KANSL3: variants seen among roughly 807,000 people sequenced by gnomAD.
KANSL3 encodes KAT8 regulatory NSL complex subunit 3.
KANSL3 carries 16 observed loss-of-function variants against 89.2 expected under a neutral mutation model. That is an observed-to-expected ratio of 0.18 (90% CI 0.12 to 0.27). KANSL3 has a LOEUF of 0.27. KANSL3 is among the 10% of genes least tolerant of loss of function. The pLI, the probability that KANSL3 is intolerant of heterozygous loss-of-function variation, is 1.00. For missense variants in KANSL3, 879 were observed against 1,110.6 expected (o/e 0.79, Z 2.96); for synonymous variants, 385 against 419.7 (o/e 0.92, Z 1.01).
At chr2:96,614,146 C>T (rs1209117797) in intron 5 of KANSL3, among the ~76,000 whole-genome samples, 1 of 152,194 alleles carries the variant, frequency 6.6e-6, no homozygotes, top group South Asian at 2.1e-4. Flanking sequence ...GGCTAGAGTG[C>T]AGTGGCCTGA....
At chr2:96,616,565 T>C (rs1392891730) in intron 5 of KANSL3, among the ~76,000 whole-genome samples, 1 of 152,228 alleles carries the variant, frequency 6.6e-6, no homozygotes, top group African/African-American at 2.4e-5. Flanking sequence ...CAGCAGGCAC[T>C]TTAAAAGTAA....
chr2:96,616,791 A>G (rs2070218427), intron 5 of KANSL3, among the ~76,000 whole-genome samples: 1 of 152,176 alleles, frequency 6.6e-6, no homozygotes, highest in South Asian at 2.1e-4. Flanking sequence ...GCCCAGCAGC[A>G]TGGGAGGAAA....
At position 96,613,523 on chromosome 2, in the gene KANSL3, C is replaced by T; in HGVS notation, c.760G>A (p.Asp254Asn). 5 of 1,613,634 alleles carry T rather than the reference C, an allele frequency of 3.1e-6. No individual in the cohort carries two copies. The highest frequency in any genetic ancestry group is 4.2e-6 in the Non-Finnish European group (5 of 1,179,752). ...TGAGAAAGCACACCCACAGCAGGGT[C>T]CCAGGGCCTCTTCAGTAGGAGAGAC... ...ALSLLLKRPW[D>N]PAVGVLSHNK... Residue 254 changes from aspartate (D) to asparagine (N), a missense_variant, in exon 6 of 21, where the codon GAC becomes AAC. Asp to Asn is a conservative substitution (Grantham distance 23, BLOSUM62 1). Transcript: ENST00000431828.
Position 96,608,869 on chromosome 2 carries a change from A to C in KANSL3, c.1579T>G (p.Ser527Ala). ...AAKLPASPSG[S>A]EDLSSVSSSP... The stretch of plus-strand genomic sequence containing the variant: ...TCCCTCCCTGCTCACACTACCTCTG[A>C]GCCTGAGGGTGAGGCGGGCAGCTTG... Residue 527 changes from serine (S) to alanine (A), a missense_variant, in exon 13 of 21, where the codon TCA becomes GCA. Around this residue, in one of 6 missense-constraint regions of KANSL3, gnomAD observed 317 missense variants for 311.2 expected, o/e 1.02. Coordinates refer to ENST00000431828, the MANE Select transcript of KANSL3 (RefSeq NM_001115016.3). The C allele has an allele frequency of 6.3e-7, 1 of 1,578,342 alleles. No individual in the cohort carries two copies. The highest frequency in any genetic ancestry group is 8.6e-7 in the Non-Finnish European group (1 of 1,162,088).
intron 11 of KANSL3, 82 bp from the exon 12 acceptor site, chr2:96,609,644 G>T (rs2068556450): frequency 1.5e-6 from 2 of 1,351,520 alleles, no homozygotes; most frequent in Non-Finnish European, 2.1e-6. Context: ...TTCTTTTCTG[G>T]GTTGTTTATT....
chr2:96,637,242 T>C (rs1458225049), intron 1 of KANSL3, 57 bp from the exon 2 acceptor site: 1 of 683,240 alleles, frequency 1.5e-6, no homozygotes, highest in African/African-American at 1.8e-5. Context: ...TCTCCCAATC[T>C]ACACCATCTA....
At chr2:96,634,808 G>A (rs2074019955) in intron 2 of KANSL3, among the ~76,000 whole-genome samples, 1 of 152,166 alleles carries the variant, frequency 6.6e-6, no homozygotes, top group African/African-American at 2.4e-5. Flanking sequence ...CTAGTACTTG[G>A]ATATGTGTAG....
At chr2:96,588,551 A>G (rs1171207634), downstream of KANSL3, among the ~76,000 whole-genome samples, 1 of 152,170 alleles carries the variant, frequency 6.6e-6, no homozygotes, top group Non-Finnish European at 1.5e-5. Context: ...AGAACAATGG[A>G]AAGAGCAAAA....
intron 20 of KANSL3, chr2:96,600,631 T>A: frequency 1.0e-6 from 1 of 985,432 alleles, no homozygotes; most frequent in Non-Finnish European, 1.2e-6. Context: ...GTATAGCGGA[T>A]ACTGAAGGAA....
intron 2 of KANSL3, among the ~76,000 whole-genome samples, chr2:96,633,173 A>G (rs1456932806): frequency 6.6e-6 from 1 of 151,608 alleles, no homozygotes; most frequent in East Asian, 1.9e-4. Context: ...GTGGGAGATC[A>G]ACTGAGCCTG....
intron 6 of KANSL3, 44 bp from the exon 7 acceptor site, chr2:96,612,978 GTCC>G: frequency 7.7e-7 from 1 of 1,306,804 alleles, no homozygotes; most frequent in Non-Finnish European, 1.1e-6. Flanking sequence ...AGTGAGAAGT[GTCC>G]TTTCATGAAA....
downstream of KANSL3, among the ~76,000 whole-genome samples, chr2:96,591,754 A>G (rs545737648): frequency 2.0e-5 from 3 of 152,322 alleles, no homozygotes; most frequent in African/African-American, 7.2e-5. Context: ...GAACTGAATG[A>G]AAGAGACCAG....
rs2068806694 is a variant in KANSL3, at chr2:96,610,892, G to A, written c.1162-9C>T. 3.1e-6 allele frequency: 5 copies of A among 1,611,476 alleles called. No homozygotes were observed. The highest frequency in any genetic ancestry group is 4.2e-6 in the Non-Finnish European group (5 of 1,177,876). ...AGGGGATCATCTACATCCTAAAACA[G>A]GTATAGGTTTTAGAATCGGCTTCTT... On this transcript the variant is annotated splice_polypyrimidine_tract_variant and intron_variant, in intron 10 of 20. Coordinates refer to ENST00000431828, the MANE Select transcript of KANSL3 (RefSeq NM_001115016.3).
chr2:96,609,659 AG>A lies in KANSL3; in HGVS notation c.1320-98del. 3 of 1,192,322 alleles carry A rather than the reference AG, an allele frequency of 2.5e-6. No individual in the cohort carries two copies. In the South Asian group the frequency reaches 3.7e-5, roughly 15 times the overall value. 73.9% of individuals were successfully genotyped at this position (1,192,322 alleles called of 1,614,324 possible). ...TTCTTTTCTGGGTTGTTTATTTTCTAGCCCCAGAAGGAGGGCCATGTTAGCC... is the reference window on the plus strand; with the variant it reads ...TTCTTTTCTGGGTTGTTTATTTTCTACCCCAGAAGGAGGGCCATGTTAGCC... On this transcript the variant is annotated intron_variant, in intron 11 of 20. Coordinates refer to ENST00000431828, the MANE Select transcript of KANSL3 (RefSeq NM_001115016.3).
At chr2:96,616,963 A>G (rs1401895466) in intron 5 of KANSL3, among the ~76,000 whole-genome samples, 2 of 152,246 alleles carry the variant, frequency 1.3e-5, no homozygotes, top group African/African-American at 2.4e-5. Flanking sequence ...AAGCAGGGTC[A>G]CCAGAGAACT....
chr2:96,605,403 C>G lies in KANSL3; in HGVS notation c.1850G>C (p.Arg617Pro), dbSNP rs370312220. ...GATAAGGGACACCTTGATCTTCGGT[C>G]GTTTGGAGGTCTTACTGCCAGGAAG... ...SPLPGSKTSK[R>P]PKIKVSLISQ... The change falls in exon 15 of 21, where the codon CGA becomes CCA. Residue 617 changes from arginine to proline, a missense_variant. Transcript: ENST00000431828. The G allele has an allele frequency of 1.9e-6, 3 of 1,613,912 alleles. No homozygotes were observed. The highest frequency in any genetic ancestry group is 2.5e-6 in the Non-Finnish European group (3 of 1,179,874).
chr2:96,617,316 ATTAG>A (rs763767836), intron 5 of KANSL3, among the ~76,000 whole-genome samples: 11 of 152,214 alleles, frequency 7.2e-5, no homozygotes, highest in Non-Finnish European at 1.3e-4. Context: ...CAAAATAAGT[ATTAG>A]TTAAACAAAA....
chr2:96,615,182 A>AAAAAAAAAAAAAAAAAAAAAAC, intron 5 of KANSL3: 1 of 151,596 alleles, frequency 6.6e-6, no homozygotes, highest in African/African-American at 2.4e-5. Context: ...AAAAAAAAAA[A>AAAAAAAAAAAAAAAAAAAAAAC]AAAAAAGACA....
downstream of KANSL3, among the ~76,000 whole-genome samples, chr2:96,589,967 G>A: frequency 6.6e-6 from 1 of 151,326 alleles, no homozygotes. Flanking sequence ...TGGCCGACGT[G>A]GTGAAACCCC....
Sources: gnomAD v4.1 joint callset for allele counts (sites outside exome capture counted in the v4.1 genomes callset) on GRCh38, gnomAD v4.1.1 for gene constraint, gnomAD v4.1.1 regional missense constraint, MANE v1.5 for transcripts, NCBI Gene and HGNC (gene_info 2026-07-23, HGNC 2026-07-21) for gene names.